Variants in CDH9 observed in about 807,000 individuals in gnomAD.
The protein encoded by CDH9 is cadherin-9.
In CDH9, 28 loss-of-function variants were observed where a neutral mutation model predicts 70.9. That is an observed-to-expected ratio of 0.40 (90% CI 0.29 to 0.54). The LOEUF is 0.54. Ranked by LOEUF, CDH9 falls within the 20% of genes least tolerant of loss-of-function variation. The probability of loss-of-function intolerance (pLI) is 0.59; values close to 1 mark genes in which losing one functional copy is unlikely to be tolerated. For synonymous variants in CDH9, 409 were observed against 343.1 expected, an observed-to-expected ratio of 1.19 and a Z score of -2.12; for missense variants, 874 against 984.4, an observed-to-expected ratio of 0.89 and a Z score of 1.50.
chr5:26,916,585 A>G (rs568848562), intron 2 of CDH9, among the ~76,000 whole-genome samples: 201 of 152,132 alleles, frequency 1.3e-3, no homozygotes, highest in African/African-American at 3.5e-3. Context: ...AATTATAACC[A>G]TATACCGTAA....
chr5:26,955,000 A>C (rs1476484780), intron 2 of CDH9, among the ~76,000 whole-genome samples: 1 of 152,150 alleles, frequency 6.6e-6, no homozygotes, highest in Non-Finnish European at 1.5e-5. Context: ...GTACCACTAC[A>C]CACCAGCCTG....
chr5:26,903,347 G>A (rs933227964), intron 6 of CDH9: 1 of 483,612 alleles, frequency 2.1e-6, no homozygotes, highest in Admixed American at 3.5e-5. Flanking sequence ...AATGATGGCT[G>A]TGTGTTTATA....
intron 2 of CDH9, among the ~76,000 whole-genome samples, chr5:26,970,007 C>A (rs759743822): frequency 6.7e-6 from 1 of 150,322 alleles, no homozygotes; most frequent in Non-Finnish European, 1.5e-5. Flanking sequence ...CTTCTTTATA[C>A]CAAAACCAAT....
At position 26,928,139 on chromosome 5, in the gene CDH9, T is replaced by A. The variant is rs150919563; in HGVS notation, c.229-12215A>T. 4.1e-4 allele frequency among the ~76,000 whole-genome samples: 62 copies of A among 152,108 alleles called. No individual in the cohort carries two copies. The East Asian group carries it at 0.01, about 25-fold the overall frequency. ...AAACTGTTAGAACTAATAAAACCAA[T>A]TCAGTAAAATTGCAGGATACAAAAT... is the stretch of plus-strand genomic sequence containing the variant. On this transcript the variant is annotated intron_variant, in intron 2 of 11. Transcript: ENST00000231021.
At chr5:27,018,470 ATTAGT>A (rs761637443) in intron 1 of CDH9, among the ~76,000 whole-genome samples, 81 of 151,860 alleles carry the variant, frequency 5.3e-4, no homozygotes, top group Non-Finnish European at 1.1e-3. Context: ...AGATTCCACT[ATTAGT>A]AAGTTCAACT....
At chr5:26,906,209 T>C in intron 4 of CDH9, 83 bp from the exon 5 acceptor site, 14 of 1,127,574 alleles carry the variant, frequency 1.2e-5, no homozygotes, top group Non-Finnish European at 1.8e-5. Context: ...TTTACAAAAG[T>C]TGATTATAAC....
chr5:26,938,568 C>T (rs1206812023), intron 2 of CDH9, among the ~76,000 whole-genome samples: 4 of 151,998 alleles, frequency 2.6e-5, no homozygotes, highest in African/African-American at 9.7e-5. Flanking sequence ...AACTCTCTGG[C>T]AATTTTGAAT....
chr5:26,946,425 C>T (rs1253908610), intron 2 of CDH9, among the ~76,000 whole-genome samples: 1 of 151,662 alleles, frequency 6.6e-6, no homozygotes, highest in Non-Finnish European at 1.5e-5. Flanking sequence ...TTGAAACCCA[C>T]TAATTATCAT....
chr5:27,034,992 A>G (rs1220448023), intron 1 of CDH9, among the ~76,000 whole-genome samples: 1 of 151,450 alleles, frequency 6.6e-6, no homozygotes, highest in Non-Finnish European at 1.5e-5. Context: ...ATAACAATCC[A>G]GAATTCATTG....
chr5:27,037,222 G>A (rs113413605), intron 1 of CDH9, among the ~76,000 whole-genome samples: 3,315 of 151,960 alleles, frequency 0.022, 138 homozygotes, highest in African/African-American at 0.075. Flanking sequence ...CTTCTGTCTT[G>A]CAAAAGTTAC....
intron 2 of CDH9, among the ~76,000 whole-genome samples, chr5:26,936,781 G>T (rs1741566057): frequency 6.6e-6 from 1 of 151,892 alleles, no homozygotes; most frequent in Admixed American, 6.6e-5. Flanking sequence ...AGAAAAGACA[G>T]TCTTTTCAAC....
chr5:26,959,304 G>C (rs1382925587), intron 2 of CDH9, among the ~76,000 whole-genome samples: 1 of 152,070 alleles, frequency 6.6e-6, no homozygotes, highest in South Asian at 2.1e-4. Flanking sequence ...ACCAAATTGA[G>C]ATACCACTCC....
intron 1 of CDH9, among the ~76,000 whole-genome samples, chr5:26,993,661 G>C (rs941514386): frequency 8.1e-6 from 1 of 123,392 alleles, no homozygotes; most frequent in Non-Finnish European, 1.6e-5. Flanking sequence ...TGGATTTCTT[G>C]GATTTTATAG....
intron 7 of CDH9, among the ~76,000 whole-genome samples, chr5:26,895,585 G>A (rs1020948511): frequency 2.6e-5 from 4 of 151,924 alleles, no homozygotes; most frequent in South Asian, 2.1e-4. Context: ...TGTAAAATGA[G>A]GCAACATGTT....
At position 26,906,032 on chromosome 5, in the gene CDH9, T is replaced by A; in HGVS notation, c.738A>T (p.Gly246=). The A allele has an allele frequency of 6.2e-7, 1 of 1,613,070 alleles. No homozygotes were observed. The highest frequency in any genetic ancestry group is 8.5e-7 in the Non-Finnish European group (1 of 1,179,032). ...IQAKDMGGQM[G]GLSGTTTVNI... ...TCACTGTGGTGGTTCCAGAAAGGCC[T>A]CCCATCTGGCCACCCATGTCTTTGG... The change falls in exon 5 of 12, where the codon GGA becomes GGT. Residue 246 remains glycine, a synonymous_variant. Transcript: ENST00000231021.
At chr5:26,946,767 A>G (rs910635858) in intron 2 of CDH9, among the ~76,000 whole-genome samples, 15 of 152,282 alleles carry the variant, frequency 9.9e-5, no homozygotes, top group South Asian at 2.1e-4. Flanking sequence ...AAGATGTCCT[A>G]TTTACTCACA....
chr5:26,928,070 A>C (rs949878037), intron 2 of CDH9, among the ~76,000 whole-genome samples: 4 of 151,826 alleles, frequency 2.6e-5, no homozygotes, highest in African/African-American at 7.3e-5. Context: ...ATATTTTTAG[A>C]TGATATAATC....
intron 1 of CDH9, among the ~76,000 whole-genome samples, chr5:26,997,443 T>C (rs1742685684): frequency 6.6e-6 from 1 of 152,184 alleles, no homozygotes; most frequent in Non-Finnish European, 1.5e-5. Flanking sequence ...AAGATACTAT[T>C]ATATCTATTG....
At chr5:27,030,395 G>A (rs1033105656) in intron 1 of CDH9, among the ~76,000 whole-genome samples, 1 of 151,586 alleles carries the variant, frequency 6.6e-6, no homozygotes, top group African/African-American at 2.4e-5. Flanking sequence ...TGAATGCCAG[G>A]TTAAAAAGGA....
Sources: allele counts gnomAD v4.1 joint callset (sites outside exome capture counted in the v4.1 genomes callset), GRCh38; gene constraint gnomAD v4.1.1; transcripts MANE v1.5; gene names NCBI Gene and HGNC (gene_info 2026-07-23, HGNC 2026-07-21).